Variants in SUGCT observed in about 807,000 individuals in gnomAD.
SUGCT encodes the protein succinyl-CoA:glutarate-CoA transferase.
In SUGCT, 41 loss-of-function variants were observed where a neutral mutation model predicts 55.0. The observed-to-expected ratio is 0.74, with a 90% CI of 0.58 to 0.97. The LOEUF is 0.97. Ranked by LOEUF, SUGCT falls within the 50% of genes least tolerant of loss-of-function variation. SUGCT has a pLI of 0.00. For missense variants in SUGCT, 568 were observed against 547.8 expected (o/e 1.04, Z -0.37); for synonymous variants, 187 against 200.4 (o/e 0.93, Z 0.56).
chr7:41,032,865 G>A, the SUGCT span, among the ~76,000 whole-genome samples: 1 of 152,232 alleles, frequency 6.6e-6, no homozygotes, highest in South Asian at 2.1e-4. Context: ...CCGGGTTCAA[G>A]CGATTCTCCT....
intron 7 of SUGCT, among the ~76,000 whole-genome samples, chr7:40,256,280 C>G (rs1247568855): frequency 6.6e-6 from 1 of 152,128 alleles, no homozygotes; most frequent in Admixed American, 6.5e-5. Context: ...AAATTTCAGC[C>G]TGTTCCTTGT....
At chr7:40,983,727 A>T in the SUGCT span, among the ~76,000 whole-genome samples, 1 of 152,234 alleles carries the variant, frequency 6.6e-6, no homozygotes, top group East Asian at 1.9e-4. Context: ...TGCTCTGTCT[A>T]TGAACATAGA....
chr7:40,255,384 G>A (rs906699382), intron 7 of SUGCT, among the ~76,000 whole-genome samples: 7 of 151,748 alleles, frequency 4.6e-5, no homozygotes, highest in Non-Finnish European at 7.4e-5. Flanking sequence ...GGCTGAGGCT[G>A]GGCACAGTGG....
chr7:40,598,418 A>G (rs921630704), intron 12 of SUGCT, among the ~76,000 whole-genome samples: 1 of 152,234 alleles, frequency 6.6e-6, no homozygotes, highest in Non-Finnish European at 1.5e-5. Flanking sequence ...ATTCATGTAT[A>G]TCAGCATGCC....
intron 11 of SUGCT, among the ~76,000 whole-genome samples, chr7:40,490,240 C>G (rs1791607918): frequency 6.6e-6 from 1 of 152,166 alleles, no homozygotes; most frequent in South Asian, 2.1e-4. Flanking sequence ...TGGCTAGTTT[C>G]TCTTGTGTGG....
intron 7 of SUGCT, among the ~76,000 whole-genome samples, chr7:40,267,614 A>C (rs1791684430): frequency 6.6e-6 from 1 of 152,184 alleles, no homozygotes; most frequent in Non-Finnish European, 1.5e-5. Flanking sequence ...ATTGTTTAGT[A>C]CTGCTATAGC....
intron 12 of SUGCT, among the ~76,000 whole-genome samples, chr7:40,682,244 A>T (rs1339731304): frequency 6.6e-6 from 1 of 152,118 alleles, no homozygotes; most frequent in African/African-American, 2.4e-5. Flanking sequence ...CCCTTCTCCC[A>T]TTCCCCACCC....
chr7:40,333,457 C>T (rs950822546), intron 9 of SUGCT, among the ~76,000 whole-genome samples: 4 of 149,798 alleles, frequency 2.7e-5, no homozygotes, highest in Admixed American at 1.3e-4. Flanking sequence ...GCCAACATGG[C>T]GAAACCACAT....
intron 9 of SUGCT, among the ~76,000 whole-genome samples, chr7:40,386,789 C>T (rs886133347): frequency 6.6e-6 from 1 of 152,180 alleles, no homozygotes; most frequent in African/African-American, 2.4e-5. Flanking sequence ...GTGTGGCCAC[C>T]TTGCTTTTAT....
intron 9 of SUGCT, among the ~76,000 whole-genome samples, chr7:40,347,452 C>G (rs1461595276): frequency 1.3e-5 from 2 of 152,124 alleles, no homozygotes; most frequent in African/African-American, 2.4e-5. Flanking sequence ...GGTTATTTAG[C>G]TTGAGAGATG....
chr7:40,603,451 T>A (rs1292470563), intron 12 of SUGCT, among the ~76,000 whole-genome samples: 1 of 152,234 alleles, frequency 6.6e-6, no homozygotes, highest in Non-Finnish European at 1.5e-5. Flanking sequence ...CAAAAGAGTC[T>A]AGTACAATGG....
intron 10 of SUGCT, among the ~76,000 whole-genome samples, chr7:40,457,873 T>C (rs1443033654): frequency 1.3e-5 from 2 of 152,198 alleles, no homozygotes; most frequent in Admixed American, 6.5e-5. Flanking sequence ...GAATGACTTA[T>C]TCACTCTTAC....
intron 12 of SUGCT, among the ~76,000 whole-genome samples, chr7:40,646,563 T>G (rs1800522258): frequency 6.6e-6 from 1 of 152,204 alleles, no homozygotes; most frequent in Non-Finnish European, 1.5e-5. Flanking sequence ...TCATTTTTAC[T>G]GGGCTAGTGC....
chr7:40,200,741 A>T (rs527819070), intron 6 of SUGCT, among the ~76,000 whole-genome samples: 22 of 152,234 alleles, frequency 1.4e-4, no homozygotes, highest in African/African-American at 5.3e-4. Context: ...TAGAATGCAG[A>T]TTAAAAAAAA....
chr7:40,702,385 T>C (rs748633580), intron 12 of SUGCT, among the ~76,000 whole-genome samples: 6 of 152,166 alleles, frequency 3.9e-5, no homozygotes, highest in Non-Finnish European at 8.8e-5. Flanking sequence ...GAGTGAAAAA[T>C]ACACATTTTC....
intron 1 of SUGCT, chr7:40,154,081 C>A: frequency 4.1e-6 from 1 of 242,838 alleles, no homozygotes. Context: ...CTTTGTGCTG[C>A]AGTTTATATT....
At chr7:40,553,654 A>G (rs575994422) in intron 12 of SUGCT, among the ~76,000 whole-genome samples, 71 of 152,310 alleles carry the variant, frequency 4.7e-4, no homozygotes, top group African/African-American at 1.7e-3. Context: ...AAAAATGTAG[A>G]CACTTTCCAC....
At chr7:40,911,371 A>T in the SUGCT span, among the ~76,000 whole-genome samples, 1 of 152,216 alleles carries the variant, frequency 6.6e-6, no homozygotes, top group African/African-American at 2.4e-5. Flanking sequence ...TCTATGTGAG[A>T]GCTGCTACAA....
chr7:40,578,907 A>G (rs1796921810), intron 12 of SUGCT, among the ~76,000 whole-genome samples: 1 of 152,186 alleles, frequency 6.6e-6, no homozygotes, highest in Non-Finnish European at 1.5e-5. Context: ...GAACTCCATG[A>G]AAGCAAGAGC....
Sources: gnomAD v4.1 joint callset for allele counts (sites outside exome capture counted in the v4.1 genomes callset) on GRCh38, gnomAD v4.1.1 for gene constraint, MANE v1.5 for transcripts, NCBI Gene and HGNC (gene_info 2026-07-23, HGNC 2026-07-21) for gene names.